The following PCSK5 variants were observed in gnomAD, a reference collection of about 807,000 sequenced individuals.
The protein encoded by PCSK5 is proprotein convertase subtilisin/kexin type 5, also known as prohormone convertase 5.
PCSK5 carries 129 observed loss-of-function variants against 233.2 expected under a neutral mutation model. The observed-to-expected ratio is 0.55, with a 90% CI of 0.48 to 0.64. The LOEUF (loss-of-function observed/expected upper bound fraction) is 0.64, where lower values mean the gene tolerates loss of function less well. Among genes scored for constraint, PCSK5 ranks in the 30% least tolerant of loss-of-function variants. The pLI is 0.00. For synonymous variants in PCSK5, 825 were observed against 879.2 expected (o/e 0.94, Z 1.09); for missense variants, 2,076 against 2,430.1 (o/e 0.85, Z 3.06).
chr9:76,165,808 T>TTGTGGGTAATATTGA (rs1823062619), intron 12 of PCSK5, among the ~76,000 whole-genome samples: 2 of 152,234 alleles, frequency 1.3e-5, no homozygotes, highest in Admixed American at 6.5e-5. Flanking sequence ...ATGTGTCTGA[T>TTGTGGGTAATATTGA]CTCTTCACTG....
Position 76,023,817 on chromosome 9 carries a change from A to C in PCSK5, c.491A>C (p.Asn164Thr). ...GAWKRGYTGK[N>T]IVVTILDDGI... The stretch of plus-strand genomic sequence containing the variant: ...TGGAAGAGAGGCTACACGGGAAAGA[A>C]CATTGTGGTCACTATCCTGGATGAC... The change falls in exon 4 of 38, where the codon AAC (asparagine) becomes ACC (threonine). Residue 164 changes from asparagine to threonine, a missense_variant. Around this residue, in one of 6 missense-constraint regions of PCSK5, gnomAD observed 190 missense variants for 216.3 expected, o/e 0.88. Transcript: ENST00000674117. The C allele has an allele frequency of 6.2e-7, 1 of 1,613,644 alleles. No homozygotes were observed. The highest frequency in any genetic ancestry group is 8.5e-7 in the Non-Finnish European group (1 of 1,179,688).
chr9:76,013,384 C>T (rs1827814769), intron 3 of PCSK5, among the ~76,000 whole-genome samples: 1 of 152,136 alleles, frequency 6.6e-6, no homozygotes, highest in Non-Finnish European at 1.5e-5. Flanking sequence ...CATATACATG[C>T]CACCTGTGTG....
At chr9:76,283,175 A>C (rs1233600900) in intron 24 of PCSK5, among the ~76,000 whole-genome samples, 1 of 152,248 alleles carries the variant, frequency 6.6e-6, no homozygotes, top group Non-Finnish European at 1.5e-5. Flanking sequence ...ACATAAATTT[A>C]GTTGATAAAG....
At chr9:75,955,048 G>A (rs764727281) in intron 2 of PCSK5, among the ~76,000 whole-genome samples, 3 of 152,002 alleles carry the variant, frequency 2.0e-5, no homozygotes, top group Non-Finnish European at 2.9e-5. Context: ...ACATTAATTC[G>A]GACTGCCTAT....
At chr9:76,346,406 T>C (rs1419155773) in intron 35 of PCSK5, among the ~76,000 whole-genome samples, 1 of 152,032 alleles carries the variant, frequency 6.6e-6, no homozygotes, top group East Asian at 1.9e-4. Flanking sequence ...ATAGTATCCT[T>C]GAGAATGTAT....
At chr9:76,027,299 C>T (rs575794690) in intron 5 of PCSK5, among the ~76,000 whole-genome samples, 50 of 152,154 alleles carry the variant, frequency 3.3e-4, no homozygotes, top group Non-Finnish European at 6.6e-4. Context: ...TGACCCCTCA[C>T]GTGGTAATTG....
At chr9:76,077,582 G>T (rs1830685696) in intron 7 of PCSK5, among the ~76,000 whole-genome samples, 1 of 152,094 alleles carries the variant, frequency 6.6e-6, no homozygotes, top group African/African-American at 2.4e-5. Context: ...ATAGTCTGCA[G>T]TGTCTGTTGT....
intron 5 of PCSK5, among the ~76,000 whole-genome samples, chr9:76,056,991 G>A (rs1480709637): frequency 6.6e-6 from 1 of 152,238 alleles, no homozygotes; most frequent in East Asian, 1.9e-4. Context: ...ATATTCCAAT[G>A]AGTATTTATT....
At chr9:75,987,220 C>T (rs958470820) in intron 3 of PCSK5, among the ~76,000 whole-genome samples, 2 of 152,140 alleles carry the variant, frequency 1.3e-5, no homozygotes, top group African/African-American at 4.8e-5. Flanking sequence ...TTCCCCACCT[C>T]CTTGGGTCAG....
intron 28 of PCSK5, among the ~76,000 whole-genome samples, chr9:76,307,534 G>A (rs1828739159): frequency 6.6e-6 from 1 of 152,102 alleles, no homozygotes; most frequent in South Asian, 2.1e-4. Context: ...ATTGTCCCAT[G>A]GAGTTGCTGA....
chr9:76,311,688 C>T (rs1464468715), intron 30 of PCSK5, among the ~76,000 whole-genome samples: 1 of 152,180 alleles, frequency 6.6e-6, no homozygotes, highest in African/African-American at 2.4e-5. Flanking sequence ...ATGACTGAGA[C>T]ATAACAGGGT....
chr9:76,154,924 A>G (rs1007205706), intron 10 of PCSK5, among the ~76,000 whole-genome samples: 1 of 152,166 alleles, frequency 6.6e-6, no homozygotes, highest in African/African-American at 2.4e-5. Context: ...ATTACCCCTC[A>G]TGATGTTACG....
chr9:76,307,544 A>G (rs1828739402), intron 28 of PCSK5, among the ~76,000 whole-genome samples: 1 of 152,160 alleles, frequency 6.6e-6, no homozygotes, highest in African/African-American at 2.4e-5. Flanking sequence ...GGAGTTGCTG[A>G]GGTGACTTCC....
chr9:75,991,963 G>T (rs1197041713), intron 3 of PCSK5, among the ~76,000 whole-genome samples: 2 of 152,084 alleles, frequency 1.3e-5, no homozygotes, highest in Non-Finnish European at 2.9e-5. Context: ...AGGCTTGGTG[G>T]CATATACCTG....
chr9:76,067,859 G>C, intron 5 of PCSK5, 96 bp from the exon 6 acceptor site: 1 of 941,572 alleles, frequency 1.1e-6, no homozygotes, highest in South Asian at 1.4e-5. Flanking sequence ...ACCACAGCTG[G>C]GTACATTCTT....
intron 24 of PCSK5, among the ~76,000 whole-genome samples, chr9:76,272,999 C>T (rs773463089): frequency 2.6e-5 from 4 of 151,612 alleles, no homozygotes; most frequent in African/African-American, 4.8e-5. Context: ...GTTTTTAAGA[C>T]GGGGGCAACT....
In PCSK5 at chr9:76,328,172, G is replaced by C; in HGVS notation, c.4503G>C (p.Lys1501Asn). ...DAPGCKPCHV[K>N]CFHCMGPAED... ...CCGGGTGCAAGCCCTGCCATGTTAA[G>C]TGCTTCCACTGCATGGGGCCGGCGG... Residue 1501 changes from lysine to asparagine, a missense_variant, in exon 33 of 38, where the codon AAG (lysine) becomes AAC (asparagine). Transcript: ENST00000674117. 6.2e-7 allele frequency: 1 copy of C among 1,612,898 alleles called. No individual in the cohort carries two copies. Among genetic ancestry groups the C allele is most frequent in the Non-Finnish European group, 8.5e-7 (1 of 1,179,890 alleles).
At chr9:76,319,460 T>C (rs1035462031) in intron 30 of PCSK5, among the ~76,000 whole-genome samples, 2 of 150,006 alleles carry the variant, frequency 1.3e-5, no homozygotes, top group African/African-American at 2.5e-5. Context: ...TAATATAACC[T>C]AGGAATAACC....
chr9:76,332,093 G>A (rs986473179), intron 33 of PCSK5, among the ~76,000 whole-genome samples: 3 of 152,164 alleles, frequency 2.0e-5, no homozygotes, highest in African/African-American at 7.2e-5. Context: ...TGTAGTTTCT[G>A]TTCTACCCAC....
Sources: allele counts gnomAD v4.1 joint callset (sites outside exome capture counted in the v4.1 genomes callset), GRCh38; gene constraint gnomAD v4.1.1; regional missense constraint gnomAD v4.1.1; transcripts MANE v1.5; gene names NCBI Gene and HGNC (gene_info 2026-07-23, HGNC 2026-07-21).